The following CRACDL variants were observed in gnomAD, a reference collection of about 807,000 sequenced individuals.
CRACDL encodes the protein CRACD-like protein.
Under a neutral mutation model 70.6 loss-of-function variants are expected in CRACDL, and 26 were observed. The observed-to-expected ratio is 0.37, with a 90% CI of 0.27 to 0.51. The LOEUF is 0.51. Among genes scored for constraint, CRACDL ranks in the 20% least tolerant of loss-of-function variants. The pLI is 0.94. For synonymous variants in CRACDL, 618 were observed against 615.2 expected (o/e 1.00, Z -0.07); for missense variants, 1,283 against 1,376.9 (o/e 0.93, Z 1.08).
At chr2:98,836,252 C>T (rs1183592782) in intron 3 of CRACDL, among the ~76,000 whole-genome samples, 4 of 152,190 alleles carry the variant, frequency 2.6e-5, no homozygotes, top group African/African-American at 9.7e-5. Flanking sequence ...TTTGCTCGCA[C>T]TAATGTGCCT....
chr2:98,823,650 C>G lies in CRACDL; in HGVS notation c.736-113G>C. The G allele has an allele frequency of 2.2e-6, 3 of 1,355,698 alleles. No individual in the cohort carries two copies. Among genetic ancestry groups the G allele is most frequent in the Non-Finnish European group, 3.0e-6 (3 of 987,546 alleles). 84.0% of individuals were successfully genotyped at this position (1,355,698 alleles called of 1,614,324 possible). A position where few individuals can be genotyped will look rare whatever the true frequency, so the allele number is the denominator to read the frequency against. ...GTTTAGTGATAGCAGCACTATAAAG[C>G]TGGCACTTAAGTAGGCATGTACCCA... On this transcript the variant is annotated intron_variant, in intron 6 of 9. Coordinates refer to ENST00000397899, the MANE Select transcript of CRACDL (RefSeq NM_207362.3). This position sits in a 1 kb window ranked among gnomAD's most constrained non-coding sequence, Gnocchi z 4.0.
rs756157949 is a variant in CRACDL, at chr2:98,822,554, C to G, written c.1719G>C (p.Lys573Asn). 6 of 1,466,834 alleles carry G rather than the reference C, an allele frequency of 4.1e-6. No individual in the cohort carries two copies. Among genetic ancestry groups the G allele is most frequent in the Non-Finnish European group, 5.4e-6 (6 of 1,117,024 alleles). 90.9% of individuals were successfully genotyped at this position (1,466,834 alleles called of 1,614,324 possible). The part of the protein sequence containing the change: ...RGGAELRGAK[K>N]FSVSSCRARP... The stretch of plus-strand genomic sequence containing the variant: ...GCGCTCGGCACGAGGACACCGAGAA[C>G]TTCTTCGCGCCTCGCAGCTCGGCAC... Residue 573 changes from lysine to asparagine, a missense_variant, in exon 7 of 10, where the codon AAG (lysine) becomes AAC (asparagine). Physicochemically the swap from Lys to Asn is moderately conservative, Grantham distance 94 (BLOSUM62 0). Coordinates refer to ENST00000397899, the MANE Select transcript of CRACDL (RefSeq NM_207362.3). The surrounding 1 kb of genome is among the most constrained non-coding windows in gnomAD (Gnocchi z 4.9).
intron 1 of CRACDL, among the ~76,000 whole-genome samples, chr2:98,918,901 G>GATT (rs1708733218): frequency 6.6e-6 from 1 of 152,112 alleles, no homozygotes; most frequent in African/African-American, 2.4e-5. Flanking sequence ...TCTCTCTGTT[G>GATT]ATTGCTTCTT....
chr2:98,796,293 A>G, intron 8 of CRACDL, 29 bp from the exon 9 acceptor site: 3 of 1,604,728 alleles, frequency 1.9e-6, no homozygotes, highest in Non-Finnish European at 2.6e-6. Context: ...CATGCTGCCA[A>G]GTTAACAATG....
At chr2:98,847,055 C>T (rs1706289353) in intron 1 of CRACDL, among the ~76,000 whole-genome samples, 1 of 152,226 alleles carries the variant, frequency 6.6e-6, no homozygotes, top group Non-Finnish European at 1.5e-5. Flanking sequence ...GAAACAAATG[C>T]TTCACTAATT....
chr2:98,846,706 C>T (rs761499441), intron 2 of CRACDL, 25 bp downstream of exon 2: 3 of 1,606,288 alleles, frequency 1.9e-6, no homozygotes, highest in African/African-American at 2.7e-5. Flanking sequence ...GTGCCCTCCC[C>T]AGAGCAGGGG....
chr2:98,794,470 G>A lies in CRACDL; in HGVS notation c.*62C>T. On this transcript the variant is annotated 3_prime_UTR_variant, in exon 10 of 10. Coordinates refer to ENST00000397899, the MANE Select transcript of CRACDL (RefSeq NM_207362.3). ...CACAGTTTGTTTGCCACAATACACT[G>A]GCAGTTTTTAACTAAGTGGCTTGTC... is the stretch of plus-strand genomic sequence containing the variant. 1 of 1,429,898 alleles carries A rather than the reference G, an allele frequency of 7.0e-7. No individual in the cohort carries two copies. The highest frequency in any genetic ancestry group is 9.8e-7 in the Non-Finnish European group (1 of 1,021,370). 88.6% of individuals were successfully genotyped at this position (1,429,898 alleles called of 1,614,324 possible). A position where few individuals can be genotyped will look rare whatever the true frequency, so the allele number is the denominator to read the frequency against.
chr2:98,915,127 G>T (rs948101796), intron 1 of CRACDL, among the ~76,000 whole-genome samples: 1 of 152,210 alleles, frequency 6.6e-6, no homozygotes, highest in Admixed American at 6.5e-5. Flanking sequence ...GGTCGACCAG[G>T]ACAGGACTGG....
intron 1 of CRACDL, among the ~76,000 whole-genome samples, chr2:98,870,444 G>T (rs1422870698): frequency 6.6e-6 from 1 of 152,184 alleles, no homozygotes; most frequent in Non-Finnish European, 1.5e-5. Context: ...TGATAATCAC[G>T]CAGTGCGCTG....
At chr2:98,808,173 ACTG>A (rs1374410800) in intron 7 of CRACDL, among the ~76,000 whole-genome samples, 1 of 152,216 alleles carries the variant, frequency 6.6e-6, no homozygotes, top group East Asian at 1.9e-4. Flanking sequence ...ACGGACCAGC[ACTG>A]CTGCCATTAT....
chr2:98,869,266 G>C, intron 1 of CRACDL: 1 of 1,243,712 alleles, frequency 8.0e-7, no homozygotes. Context: ...ATCTCTCACA[G>C]AAGTACCCGT....
chr2:98,835,930 A>G (rs975318793), intron 3 of CRACDL, among the ~76,000 whole-genome samples: 3 of 152,238 alleles, frequency 2.0e-5, no homozygotes, highest in Non-Finnish European at 4.4e-5. Flanking sequence ...CTCAGAAAGC[A>G]GGTGACTCAT....
intron 1 of CRACDL, among the ~76,000 whole-genome samples, chr2:98,860,039 C>G (rs1706876296): frequency 6.6e-6 from 1 of 151,810 alleles, no homozygotes; most frequent in Non-Finnish European, 1.5e-5. Flanking sequence ...ATTAAGAAAA[C>G]AAACAACTGC....
At position 98,872,802 on chromosome 2, in the gene CRACDL, G is replaced by A. The variant is rs572728021; in HGVS notation, c.-10-25992C>T. 6.6e-5 allele frequency among the ~76,000 whole-genome samples: 10 copies of A among 152,258 alleles called. 1 individual carries two copies. Among genetic ancestry groups the A allele is most frequent in the South Asian group, 6.2e-4 (3 of 4,820 alleles). On this transcript the variant is annotated intron_variant, in intron 1 of 9. Coordinates refer to ENST00000397899, the MANE Select transcript of CRACDL (RefSeq NM_207362.3). ...AAAATGATGTATGCAGTAAGAACCCGTTTTTATTTTCGTAAAGCTCTTAGT... is the reference window on the plus strand; with the variant it reads ...AAAATGATGTATGCAGTAAGAACCCATTTTTATTTTCGTAAAGCTCTTAGT...
intron 1 of CRACDL, among the ~76,000 whole-genome samples, chr2:98,875,997 C>T (rs1707480414): frequency 6.6e-6 from 1 of 152,226 alleles, no homozygotes; most frequent in African/African-American, 2.4e-5. Context: ...GGTTTTCCAT[C>T]AGTCAGCCGG....
intron 6 of CRACDL, among the ~76,000 whole-genome samples, chr2:98,826,236 C>T (rs749677388): frequency 3.3e-5 from 5 of 152,192 alleles, no homozygotes; most frequent in Admixed American, 2.0e-4. Context: ...TCTGTCTTTC[C>T]GAGGCATGCT....
chr2:98,803,187 A>T (rs534175166), intron 7 of CRACDL, among the ~76,000 whole-genome samples: 2 of 152,104 alleles, frequency 1.3e-5, no homozygotes, highest in East Asian at 3.9e-4. Flanking sequence ...TTTTTAGTAG[A>T]GACGGGGTTT....
chr2:98,888,230 C>T (rs1707848099), intron 1 of CRACDL, among the ~76,000 whole-genome samples: 1 of 152,208 alleles, frequency 6.6e-6, no homozygotes, highest in African/African-American at 2.4e-5. Flanking sequence ...AAGGCAATTA[C>T]ATGGGTAAAA....
Position 98,914,154 on chromosome 2 carries a change from G to A in CRACDL, c.-11+21784C>T, listed in dbSNP as rs144341598. 1.2e-4 allele frequency among the ~76,000 whole-genome samples: 19 copies of A among 152,380 alleles called. No individual in the cohort carries two copies. The East Asian group carries it at 3.5e-3, about 28-fold the overall frequency. On this transcript the variant is annotated intron_variant, in intron 1 of 9. Transcript: ENST00000397899. Reference sequence around the variant, plus strand: ...GCCAGGAAGCCGAGGCAGGAGCCAGGTAGGGGGAGGAGGCAGGAGCCCCAA... The same window carrying A: ...GCCAGGAAGCCGAGGCAGGAGCCAGATAGGGGGAGGAGGCAGGAGCCCCAA...
Sources: gnomAD v4.1 joint callset for allele counts (sites outside exome capture counted in the v4.1 genomes callset) on GRCh38, gnomAD v4.1.1 for gene constraint, Gnocchi (gnomAD v3.1) non-coding constraint, MANE v1.5 for transcripts, NCBI Gene and HGNC (gene_info 2026-07-23, HGNC 2026-07-21) for gene names.